Variants in TRPM3 observed in about 807,000 individuals in gnomAD.
TRPM3 encodes long transient receptor potential channel 3.
TRPM3 carries 77 observed loss-of-function variants against 181.2 expected under a neutral mutation model. The observed-to-expected ratio is 0.42, with a 90% confidence interval of 0.35 to 0.51. The LOEUF is 0.51. Among genes scored for constraint, TRPM3 ranks in the 20% least tolerant of loss-of-function variants. The probability of loss-of-function intolerance (pLI) is 0.01; values close to 1 mark genes in which losing one functional copy is unlikely to be tolerated. For missense variants in TRPM3, 1,759 were observed against 2,196.7 expected (o/e 0.80, Z 3.98); for synonymous variants, 745 against 796.4 (o/e 0.94, Z 1.09).
At chr9:70,627,265 C>CTTTTTTTTTT (rs1175860330) in intron 12 of TRPM3, among the ~76,000 whole-genome samples, 2 of 79,544 alleles carry the variant, frequency 2.5e-5, no homozygotes, top group Admixed American at 1.8e-4. Flanking sequence ...TCCATTGCTG[C>CTTTTTTTTTT]TTTTTTTTTT....
At chr9:71,064,466 A>G (rs2061678007) in intron 1 of TRPM3, among the ~76,000 whole-genome samples, 1 of 151,726 alleles carries the variant, frequency 6.6e-6, no homozygotes, top group Admixed American at 6.6e-5. Context: ...GAGAGTTTTC[A>G]GTAGACCAGT....
intron 19 of TRPM3, among the ~76,000 whole-genome samples, chr9:70,608,235 G>A (rs967776543): frequency 2.0e-5 from 3 of 152,136 alleles, no homozygotes; most frequent in African/African-American, 7.2e-5. Flanking sequence ...CCCAATTCAC[G>A]AATCGTTCAT....
intron 1 of TRPM3, among the ~76,000 whole-genome samples, chr9:71,352,553 T>C (rs2091700777): frequency 6.6e-6 from 1 of 152,204 alleles, no homozygotes; most frequent in African/African-American, 2.4e-5. Context: ...AGTGTCAGAA[T>C]ACTAACAGGC....
intron 1 of TRPM3, among the ~76,000 whole-genome samples, chr9:71,442,317 C>G (rs1011941384): frequency 1.3e-5 from 2 of 152,210 alleles, no homozygotes; most frequent in Non-Finnish European, 2.9e-5. Flanking sequence ...ATTTTACTCC[C>G]TCAGCACAGT....
intron 1 of TRPM3, among the ~76,000 whole-genome samples, chr9:71,135,067 G>A (rs2074680931): frequency 6.6e-6 from 1 of 152,114 alleles, no homozygotes; most frequent in Non-Finnish European, 1.5e-5. Context: ...TACTCCTTAT[G>A]ACAATTTTCA....
At chr9:70,963,241 A>G (rs2097154665) in intron 1 of TRPM3, among the ~76,000 whole-genome samples, 1 of 152,248 alleles carries the variant, frequency 6.6e-6, no homozygotes, top group Admixed American at 6.5e-5. Flanking sequence ...ACTGGCTGGA[A>G]GCCAAGCACC....
intron 1 of TRPM3, among the ~76,000 whole-genome samples, chr9:71,021,021 A>G (rs1296810720): frequency 6.6e-6 from 1 of 152,222 alleles, no homozygotes; most frequent in East Asian, 1.9e-4. Flanking sequence ...GTGCTATTTT[A>G]ATACAAGAGG....
chr9:71,052,330 CT>C (rs2060149098), intron 1 of TRPM3, among the ~76,000 whole-genome samples: 1 of 152,096 alleles, frequency 6.6e-6, no homozygotes, highest in Non-Finnish European at 1.5e-5. Flanking sequence ...ACAGCTGTAT[CT>C]TGAAAACCCA....
At chr9:70,842,915 T>C (rs2094772817) in intron 5 of TRPM3, 88 bp downstream of exon 5, 2 of 1,344,000 alleles carry the variant, frequency 1.5e-6, no homozygotes, top group East Asian at 2.3e-5. Context: ...AATACTATAA[T>C]GTGCACATTT....
chr9:70,552,109 A>C (rs1451735335), intron 24 of TRPM3, among the ~76,000 whole-genome samples: 2 of 152,176 alleles, frequency 1.3e-5, no homozygotes, highest in Non-Finnish European at 2.9e-5. Flanking sequence ...ACACACTTTG[A>C]GAAACCATAG....
Position 70,625,662 on chromosome 9 carries a change from C to T in TRPM3, c.1633-145G>A, listed in dbSNP as rs1054033045. On this transcript the variant is annotated intron_variant, in intron 12 of 25. Coordinates refer to ENST00000677713, the MANE Select transcript of TRPM3 (RefSeq NM_001366145.2). This position sits in a 1 kb window ranked among gnomAD's most constrained non-coding sequence, Gnocchi z 4.8. ...AACACAAGGCTAGACAGGGCAAATG[C>T]TATCACTCCCAGGCACTAGGAACTA... The T allele has an allele frequency of 1.4e-5, 11 of 781,970 alleles. No homozygotes were observed. Among genetic ancestry groups the T allele is most frequent in the Admixed American group, 1.1e-4 (4 of 34,838 alleles). 48.4% of individuals were successfully genotyped at this position (781,970 alleles called of 1,614,324 possible).
At chr9:71,220,573 A>G (rs1005867896) in intron 1 of TRPM3, among the ~76,000 whole-genome samples, 1 of 152,026 alleles carries the variant, frequency 6.6e-6, no homozygotes, top group Non-Finnish European at 1.5e-5. Context: ...AAGCAGTACA[A>G]CTTAGAAAAA....
intron 6 of TRPM3, among the ~76,000 whole-genome samples, chr9:70,819,483 G>A (rs530421580): frequency 3.0e-4 from 46 of 152,240 alleles, no homozygotes; most frequent in Middle Eastern, 3.4e-3. Context: ...CTGCTTTAGA[G>A]AAAGGTACTC....
chr9:70,969,443 A>G (rs2097216942), intron 1 of TRPM3, among the ~76,000 whole-genome samples: 1 of 152,038 alleles, frequency 6.6e-6, no homozygotes, highest in South Asian at 2.1e-4. Context: ...CATTATGTAA[A>G]AACTAAGGAA....
intron 1 of TRPM3, among the ~76,000 whole-genome samples, chr9:71,378,188 A>G (rs1183679745): frequency 2.0e-5 from 3 of 152,272 alleles, no homozygotes; most frequent in African/African-American, 7.2e-5. Context: ...AGATACGCAA[A>G]TAGTCAAACA....
At chr9:70,922,438 T>C (rs2096667150) in intron 1 of TRPM3, among the ~76,000 whole-genome samples, 1 of 152,186 alleles carries the variant, frequency 6.6e-6, no homozygotes, top group African/African-American at 2.4e-5. Flanking sequence ...CATTATTGAA[T>C]TGCACACTCA....
intron 8 of TRPM3, among the ~76,000 whole-genome samples, chr9:70,740,235 A>C (rs972382870): frequency 5.9e-5 from 9 of 152,214 alleles, no homozygotes; most frequent in East Asian, 1.9e-4. Flanking sequence ...CTGTCAAAAA[A>C]ATAAAATACT....
At chr9:71,301,137 G>C (rs186636563) in intron 1 of TRPM3, among the ~76,000 whole-genome samples, 243 of 152,234 alleles carry the variant, frequency 1.6e-3, no homozygotes, top group African/African-American at 5.7e-3. Context: ...AACTGTCTCA[G>C]AGCAACATGT....
chr9:70,803,426 G>T (rs532714879), intron 6 of TRPM3, among the ~76,000 whole-genome samples: 6 of 149,376 alleles, frequency 4.0e-5, no homozygotes, highest in Non-Finnish European at 7.4e-5. Context: ...CCTGAGCTCC[G>T]CCCCCCACCG....
Sources: allele counts gnomAD v4.1 joint callset (sites outside exome capture counted in the v4.1 genomes callset), GRCh38; gene constraint gnomAD v4.1.1; non-coding constraint Gnocchi (gnomAD v3.1); transcripts MANE v1.5; gene names NCBI Gene and HGNC (gene_info 2026-07-23, HGNC 2026-07-21).